DGKB: variants seen among roughly 807,000 people sequenced by gnomAD.
DGKB encodes the protein 90 kDa diacylglycerol kinase.
Under a neutral mutation model 114.3 loss-of-function variants are expected in DGKB, and 67 were observed. The ratio of observed to expected loss-of-function variants is 0.59; its 90% CI spans 0.48 to 0.72. The LOEUF is 0.72. DGKB is among the 30% of genes least tolerant of loss of function. The pLI, the probability that DGKB is intolerant of heterozygous loss-of-function variation, is 0.00. For missense variants in DGKB, 907 were observed against 975.2 expected, an observed-to-expected ratio of 0.93 and a Z score of 0.93; for synonymous variants, 398 against 323.1, an observed-to-expected ratio of 1.23 and a Z score of -2.49.
At chr7:14,438,501 C>T (rs905734861) in intron 21 of DGKB, among the ~76,000 whole-genome samples, 1 of 152,076 alleles carries the variant, frequency 6.6e-6, no homozygotes, top group Non-Finnish European at 1.5e-5. Context: ...TAACTGAGAA[C>T]AATTTACTGC....
intron 15 of DGKB, among the ~76,000 whole-genome samples, chr7:14,620,171 G>GTTT (rs1462425039): frequency 6.6e-6 from 1 of 151,150 alleles, no homozygotes; most frequent in Non-Finnish European, 1.5e-5. Flanking sequence ...GTTCCAAAAT[G>GTTT]TACATCTTGA....
intron 2 of DGKB, among the ~76,000 whole-genome samples, chr7:14,837,903 A>T (rs1178918355): frequency 6.6e-6 from 1 of 152,268 alleles, no homozygotes; most frequent in Middle Eastern, 3.4e-3. Context: ...AGCACTTTTC[A>T]TGTTGTCTTT....
intron 2 of DGKB, among the ~76,000 whole-genome samples, chr7:14,763,500 G>A (rs1337893996): frequency 3.9e-5 from 6 of 151,986 alleles, no homozygotes; most frequent in African/African-American, 1.4e-4. Flanking sequence ...TACCTACTTA[G>A]GATCACACAG....
chr7:14,381,954 T>C (rs552828002), intron 21 of DGKB, among the ~76,000 whole-genome samples: 1 of 152,342 alleles, frequency 6.6e-6, no homozygotes, highest in South Asian at 2.1e-4. Flanking sequence ...TGCAAAGTTT[T>C]TGTTATAGTA....
At chr7:14,852,823 T>C (rs963088927) in intron 1 of DGKB, among the ~76,000 whole-genome samples, 2 of 152,294 alleles carry the variant, frequency 1.3e-5, no homozygotes, top group African/African-American at 4.8e-5. Flanking sequence ...TAAATTTATC[T>C]TTATTTTCCA....
At chr7:14,674,162 G>A (rs1400260027) in intron 12 of DGKB, among the ~76,000 whole-genome samples, 2 of 151,692 alleles carry the variant, frequency 1.3e-5, no homozygotes, top group Admixed American at 1.3e-4. Context: ...GACTTGTACT[G>A]TAATTAATGC....
intron 2 of DGKB, among the ~76,000 whole-genome samples, chr7:14,825,032 A>ATGTG (rs1845492061): frequency 7.2e-6 from 1 of 139,462 alleles, no homozygotes; most frequent in Non-Finnish European, 1.5e-5. Context: ...ATATATATAT[A>ATGTG]TATATATATA....
At chr7:14,741,934 T>A (rs1252009257) in intron 4 of DGKB, among the ~76,000 whole-genome samples, 1 of 152,216 alleles carries the variant, frequency 6.6e-6, no homozygotes, top group Non-Finnish European at 1.5e-5. Context: ...GACCTTTATG[T>A]TTTTTTCTTC....
At chr7:14,546,466 T>A (rs1011179871) in intron 20 of DGKB, among the ~76,000 whole-genome samples, 1 of 152,216 alleles carries the variant, frequency 6.6e-6, no homozygotes, top group Non-Finnish European at 1.5e-5. Flanking sequence ...GCTGGCTTCA[T>A]GGGCATGGAA....
At chr7:14,157,124 C>T (rs1186931397) in intron 25 of DGKB, among the ~76,000 whole-genome samples, 1 of 151,926 alleles carries the variant, frequency 6.6e-6, no homozygotes, top group African/African-American at 2.4e-5. Flanking sequence ...ATGGGGTTTT[C>T]AGAGCAAAAT....
At chr7:14,364,105 C>T (rs748303688) in intron 21 of DGKB, among the ~76,000 whole-genome samples, 77 of 151,916 alleles carry the variant, frequency 5.1e-4, no homozygotes, top group Non-Finnish European at 8.7e-4. Context: ...TTGAAAGTGA[C>T]GAAATTTTTC....
intron 20 of DGKB, among the ~76,000 whole-genome samples, chr7:14,558,423 A>G (rs1796180467): frequency 6.6e-6 from 1 of 152,096 alleles, no homozygotes; most frequent in South Asian, 2.1e-4. Context: ...CTTTGATCCA[A>G]TAATTAACCA....
intron 23 of DGKB, among the ~76,000 whole-genome samples, chr7:14,333,593 T>C (rs1393602628): frequency 6.6e-6 from 1 of 152,144 alleles, no homozygotes; most frequent in Non-Finnish European, 1.5e-5. Context: ...ATTGGCAATA[T>C]CCTGATACAG....
At chr7:14,790,146 T>C (rs1046719286) in intron 2 of DGKB, among the ~76,000 whole-genome samples, 1 of 152,232 alleles carries the variant, frequency 6.6e-6, no homozygotes, top group Non-Finnish European at 1.5e-5. Context: ...TTGTTTGTTT[T>C]GTTTTTACTT....
intron 1 of DGKB, among the ~76,000 whole-genome samples, chr7:14,883,646 CT>C (rs1562806796): frequency 6.6e-6 from 1 of 151,908 alleles, no homozygotes; most frequent in East Asian, 1.9e-4. Context: ...ACTATTCATA[CT>C]TTTGAACAAA....
intron 24 of DGKB, among the ~76,000 whole-genome samples, chr7:14,177,735 T>C (rs540557090): frequency 2.2e-4 from 34 of 152,258 alleles, no homozygotes; most frequent in African/African-American, 7.9e-4. Context: ...AATACTTTGG[T>C]GCTTCAGTAG....
At chr7:14,293,697 G>A (rs1197698077) in intron 23 of DGKB, among the ~76,000 whole-genome samples, 1 of 151,886 alleles carries the variant, frequency 6.6e-6, no homozygotes, top group Non-Finnish European at 1.5e-5. Flanking sequence ...CTTTTTCTAG[G>A]TGATATCCTC....
intron 2 of DGKB, 53 bp downstream of exon 2, chr7:14,841,141 C>T (rs915398215): frequency 6.9e-6 from 10 of 1,441,942 alleles, no homozygotes; most frequent in Non-Finnish European, 8.6e-6. Context: ...ATAAATGATA[C>T]TTTGTCTAGC....
intron 21 of DGKB, among the ~76,000 whole-genome samples, chr7:14,385,826 T>C (rs1194178786): frequency 6.6e-6 from 1 of 152,222 alleles, no homozygotes; most frequent in East Asian, 1.9e-4. Flanking sequence ...ACTTTTAAAG[T>C]AGTAGTGAGT....
Sources: gnomAD v4.1 joint callset for allele counts (sites outside exome capture counted in the v4.1 genomes callset) on GRCh38, gnomAD v4.1.1 for gene constraint, MANE v1.5 for transcripts, NCBI Gene and HGNC (gene_info 2026-07-23, HGNC 2026-07-21) for gene names.